Variants in NALF1 observed in about 807,000 individuals in gnomAD.
The protein encoded by NALF1 is NALCN channel auxiliary factor 1, also known as family with sequence similarity 155 member A.
A neutral mutation model predicts 48.4 loss-of-function variants in NALF1; 3 were observed. That is an observed-to-expected ratio of 0.06 (90% CI 0.03 to 0.16). The LOEUF (loss-of-function observed/expected upper bound fraction) is 0.16. Ranked by LOEUF, NALF1 falls within the 10% of genes least tolerant of loss-of-function variation. The pLI is 1.00. For missense variants in NALF1, 526 were observed against 571.5 expected, an observed-to-expected ratio of 0.92 and a Z score of 0.81; for synonymous variants, 262 against 245.7, an observed-to-expected ratio of 1.07 and a Z score of -0.62.
chr13:107,501,513 GAGA>G (rs1875523679), intron 1 of NALF1, among the ~76,000 whole-genome samples: 1 of 152,148 alleles, frequency 6.6e-6, no homozygotes. Flanking sequence ...AGTTTTTAAA[GAGA>G]AGATCTGCTT....
chr13:107,502,039 G>C (rs1298995661), intron 1 of NALF1, among the ~76,000 whole-genome samples: 1 of 152,040 alleles, frequency 6.6e-6, no homozygotes, highest in African/African-American at 2.4e-5. Flanking sequence ...ACTTTCAGCA[G>C]AACAATCTAT....
intron 1 of NALF1, among the ~76,000 whole-genome samples, chr13:107,465,389 A>AC (rs1884985418): frequency 6.6e-6 from 1 of 151,616 alleles, no homozygotes; most frequent in African/African-American, 2.4e-5. Context: ...AAGTTTATAC[A>AC]ATTTTTTTTA....
chr13:107,776,983 T>C lies in NALF1; in HGVS notation c.915+88699A>G, dbSNP rs544881450. Among the ~76,000 whole-genome samples, 10 of 152,124 alleles carry C rather than the reference T, an allele frequency of 6.6e-5. No individual in the cohort carries two copies. In the East Asian group the frequency reaches 1.8e-3, roughly 27 times the overall value. On this transcript the variant is annotated intron_variant, in intron 1 of 2. Coordinates refer to ENST00000375915, the MANE Select transcript of NALF1 (RefSeq NM_001080396.3). ...GGCTCACGTCTATAGTCCCAGCTGC[T>C]TGGGAGACTGAGGGGGGGAAGATGC...
chr13:107,676,365 T>C (rs1469953071), intron 1 of NALF1, among the ~76,000 whole-genome samples: 1 of 152,156 alleles, frequency 6.6e-6, no homozygotes, highest in Non-Finnish European at 1.5e-5. Flanking sequence ...AGTCTAGGTA[T>C]TCAAGTGGAG....
chr13:107,337,265 T>C (rs1377165642), intron 1 of NALF1, among the ~76,000 whole-genome samples: 1 of 152,162 alleles, frequency 6.6e-6, no homozygotes, highest in African/African-American at 2.4e-5. Context: ...AATTCTGTTA[T>C]TTCTTTAAAT....
intron 1 of NALF1, among the ~76,000 whole-genome samples, chr13:107,436,022 A>T (rs56046766): frequency 0.21 from 32,027 of 152,100 alleles, 3,823 homozygotes; most frequent in East Asian, 0.3. Flanking sequence ...TCACCCCATT[A>T]GGGGTGCCAT....
At chr13:107,826,158 GAGA>G (rs1211161606) in intron 1 of NALF1, among the ~76,000 whole-genome samples, 1 of 152,232 alleles carries the variant, frequency 6.6e-6, no homozygotes, top group Non-Finnish European at 1.5e-5. Flanking sequence ...CTGAAGCCTG[GAGA>G]AGAATATCTT....
intron 1 of NALF1, among the ~76,000 whole-genome samples, chr13:107,857,320 A>G (rs866416848): frequency 1.3e-4 from 20 of 152,368 alleles, no homozygotes; most frequent in African/African-American, 3.6e-4. Flanking sequence ...ACAACCAACC[A>G]TAACAGAATA....
At chr13:107,855,227 CCTCT>C (rs1402195664) in intron 1 of NALF1, among the ~76,000 whole-genome samples, 2 of 152,216 alleles carry the variant, frequency 1.3e-5, no homozygotes, top group Admixed American at 1.3e-4. Context: ...GGAATCAAGG[CCTCT>C]CTGACTCTTA....
At chr13:107,332,475 T>C (rs1655336362) in intron 1 of NALF1, among the ~76,000 whole-genome samples, 3 of 152,236 alleles carry the variant, frequency 2.0e-5, no homozygotes, top group African/African-American at 7.2e-5. Context: ...TTTCCAGTAC[T>C]GGAGGCGGCC....
chr13:107,734,344 A>G (rs1397908553), intron 1 of NALF1, among the ~76,000 whole-genome samples: 1 of 151,956 alleles, frequency 6.6e-6, no homozygotes, highest in Non-Finnish European at 1.5e-5. Context: ...GGTCATCACT[A>G]GGGATCATCT....
intron 1 of NALF1, among the ~76,000 whole-genome samples, chr13:107,250,378 A>T (rs2138843539): frequency 6.6e-6 from 1 of 152,278 alleles, no homozygotes; most frequent in East Asian, 1.9e-4. Context: ...AGTATTCAAA[A>T]TATTGCCCTC....
chr13:107,230,211 A>AT (rs1411443229), intron 1 of NALF1, among the ~76,000 whole-genome samples: 10 of 152,168 alleles, frequency 6.6e-5, no homozygotes, highest in African/African-American at 2.4e-4. Flanking sequence ...ATATGCAACC[A>AT]TTTTTGGTCC....
intron 1 of NALF1, among the ~76,000 whole-genome samples, chr13:107,739,898 G>A (rs1269993001): frequency 2.6e-5 from 4 of 152,182 alleles, no homozygotes; most frequent in African/African-American, 7.2e-5. Flanking sequence ...TGCTACTTAT[G>A]AGAATCTAAT....
intron 1 of NALF1, among the ~76,000 whole-genome samples, chr13:107,288,775 C>T (rs1182509635): frequency 6.6e-6 from 1 of 151,830 alleles, no homozygotes; most frequent in Non-Finnish European, 1.5e-5. Context: ...TATGGTGATC[C>T]ACTCGCCTCG....
Position 107,782,198 on chromosome 13 carries a change from C to T in NALF1, c.915+83484G>A, listed in dbSNP as rs557278020. ...CCTGCCGAGTGCCTGCGATTGCAGG[C>T]GCGTGCCGCCACGCCTGACTGGTTT... On this transcript the variant is annotated intron_variant, in intron 1 of 2. Coordinates refer to ENST00000375915, the MANE Select transcript of NALF1 (RefSeq NM_001080396.3). Among the ~76,000 whole-genome samples the T allele has an allele frequency of 1.8e-4, 28 of 152,308 alleles. 1 individual carries two copies. In the East Asian group the frequency reaches 4.1e-3, roughly 22 times the overall value.
At chr13:107,668,192 T>C (rs1880907681) in intron 1 of NALF1, among the ~76,000 whole-genome samples, 2 of 152,050 alleles carry the variant, frequency 1.3e-5, no homozygotes, top group Non-Finnish European at 2.9e-5. Context: ...TAAAAACAAA[T>C]ATTCCATTTT....
At chr13:107,741,233 A>G (rs945175597) in intron 1 of NALF1, among the ~76,000 whole-genome samples, 1 of 152,232 alleles carries the variant, frequency 6.6e-6, no homozygotes, top group Non-Finnish European at 1.5e-5. Flanking sequence ...GAATTCCACT[A>G]ACTATGGAGA....
chr13:107,630,125 C>T (rs911501511), intron 1 of NALF1, among the ~76,000 whole-genome samples: 2 of 152,050 alleles, frequency 1.3e-5, no homozygotes, highest in African/African-American at 4.8e-5. Flanking sequence ...TTATTGATAG[C>T]CTACTGCTCA....
Sources: allele counts gnomAD v4.1 joint callset (sites outside exome capture counted in the v4.1 genomes callset), GRCh38; gene constraint gnomAD v4.1.1; transcripts MANE v1.5; gene names NCBI Gene and HGNC (gene_info 2026-07-23, HGNC 2026-07-21).